Variants in CERS6 observed in about 807,000 individuals in gnomAD.
CERS6 encodes LAG1 homolog, ceramide synthase 6.
A neutral mutation model predicts 56.8 loss-of-function variants in CERS6; 26 were observed. The ratio of observed to expected loss-of-function variants is 0.46; its 90% CI spans 0.34 to 0.63. The LOEUF is 0.63. CERS6 is among the 30% of genes least tolerant of loss of function. The probability of loss-of-function intolerance (pLI) is 0.01; values close to 1 mark genes in which losing one functional copy is unlikely to be tolerated. For missense variants in CERS6, 415 were observed against 467.5 expected (o/e 0.89, Z 1.04); for synonymous variants, 164 against 173.3 (o/e 0.95, Z 0.42).
In CERS6 at chr2:168,717,976, C is replaced by T. The variant is rs759693970; in HGVS notation, c.843C>T (p.Leu281=). ...FITTRLGIFP[L]WVLNTTLFES... Reference sequence around the variant, plus strand: ...CCACACGACTGGGTATATTTCCTCTCTGGTGAGTATGCCAGTCTCCTTCCT... The same window carrying T: ...CCACACGACTGGGTATATTTCCTCTTTGGTGAGTATGCCAGTCTCCTTCCT... Residue 281 remains leucine (L), a splice_region_variant and synonymous_variant, in exon 8 of 10, where the codon CTC becomes CTT. Coordinates refer to ENST00000305747, the MANE Select transcript of CERS6 (RefSeq NM_203463.3). 13 of 1,604,384 alleles carry T rather than the reference C, an allele frequency of 8.1e-6. 1 individual carries two copies. In the South Asian group the frequency reaches 1.4e-4, roughly 18 times the overall value.
chr2:168,542,610 G>T (rs2105369513), intron 1 of CERS6, among the ~76,000 whole-genome samples: 1 of 152,256 alleles, frequency 6.6e-6, no homozygotes, highest in Non-Finnish European at 1.5e-5. Context: ...TTAGAACAAT[G>T]ACATATGTTT....
At chr2:168,608,494 TC>T (rs1380955241) in intron 3 of CERS6, among the ~76,000 whole-genome samples, 2 of 152,214 alleles carry the variant, frequency 1.3e-5, no homozygotes, top group Non-Finnish European at 2.9e-5. Flanking sequence ...CATTTCATCT[TC>T]CCACCAGCAG....
intron 6 of CERS6, among the ~76,000 whole-genome samples, chr2:168,696,227 T>C (rs976142453): frequency 6.6e-6 from 1 of 152,208 alleles, no homozygotes; most frequent in Non-Finnish European, 1.5e-5. Flanking sequence ...ACATACAAAG[T>C]GCTCCTGACT....
At chr2:168,482,878 G>T (rs1694203414) in intron 1 of CERS6, among the ~76,000 whole-genome samples, 1 of 152,206 alleles carries the variant, frequency 6.6e-6, no homozygotes, top group Non-Finnish European at 1.5e-5. Context: ...TGGAATAGCT[G>T]CTAATAAAAT....
At chr2:168,677,453 A>G (rs1028029241) in intron 4 of CERS6, among the ~76,000 whole-genome samples, 4 of 152,114 alleles carry the variant, frequency 2.6e-5, no homozygotes, top group East Asian at 1.9e-4. Flanking sequence ...AGTCTTTGCT[A>G]TTGTGAATAG....
At position 168,456,364 on chromosome 2, in the gene CERS6, A is replaced by C. The variant is rs1693650490; in HGVS notation, c.-85A>C. 1 of 1,119,572 alleles carries C rather than the reference A, an allele frequency of 8.9e-7. No individual in the cohort carries two copies. The highest frequency in any genetic ancestry group is 2.9e-5 in the Admixed American group (1 of 33,918). 69.4% of individuals were successfully genotyped at this position (1,119,572 alleles called of 1,614,324 possible). On this transcript the variant is annotated 5_prime_UTR_variant, in exon 1 of 10. Transcript: ENST00000305747. This position sits in a 1 kb window ranked among gnomAD's most constrained non-coding sequence, Gnocchi z 4.1. ...GCGGCGGCGGCACAGGCTCGGGGCC[A>C]GCCGGGCGCGCATCCCCGGGCGCCC...
chr2:168,663,254 A>G (rs144207935), intron 4 of CERS6, among the ~76,000 whole-genome samples: 90 of 152,296 alleles, frequency 5.9e-4, no homozygotes, highest in African/African-American at 1.8e-3. Flanking sequence ...AAAATGCATT[A>G]TTAGTTCAGT....
chr2:168,686,586 CT>C (rs1213402096), intron 4 of CERS6, among the ~76,000 whole-genome samples: 1 of 151,986 alleles, frequency 6.6e-6, no homozygotes, highest in African/African-American at 2.4e-5. Flanking sequence ...TTTGGAGGTC[CT>C]TTCTAAACCT....
At chr2:168,645,132 TATATATATATAGAG>T (rs1391525240) in intron 4 of CERS6, among the ~76,000 whole-genome samples, 1 of 39,524 alleles carries the variant, frequency 2.5e-5, no homozygotes, top group Non-Finnish European at 4.3e-5. Context: ...TATATATATA[TATATATATATAGAG>T]AGAGAGAGAG....
At chr2:168,609,387 G>A (rs1344261623) in intron 3 of CERS6, among the ~76,000 whole-genome samples, 1 of 152,202 alleles carries the variant, frequency 6.6e-6, no homozygotes, top group Admixed American at 6.5e-5. Context: ...GTTTCTCAAA[G>A]TATGAACATT....
At chr2:168,524,464 T>C (rs1695035798) in intron 1 of CERS6, among the ~76,000 whole-genome samples, 1 of 152,172 alleles carries the variant, frequency 6.6e-6, no homozygotes, top group African/African-American at 2.4e-5. Flanking sequence ...TCAGTGCTGC[T>C]CCATGCTGGG....
chr2:168,627,221 T>C (rs2105291485), intron 3 of CERS6, among the ~76,000 whole-genome samples: 1 of 152,356 alleles, frequency 6.6e-6, no homozygotes, highest in African/African-American at 2.4e-5. Context: ...ATATTTTGTA[T>C]TAAATTATCC....
chr2:168,468,872 C>T lies in CERS6; in HGVS notation c.170+12254C>T, dbSNP rs531212814. On this transcript the variant is annotated intron_variant, in intron 1 of 9. Coordinates refer to ENST00000305747, the MANE Select transcript of CERS6 (RefSeq NM_203463.3). Reference sequence around the variant, plus strand: ...CCTAGCAGCTTAGTGAGGAATGGGGCTTTGTCCACTTCACACTCATGTAAT... The same window carrying T: ...CCTAGCAGCTTAGTGAGGAATGGGGTTTTGTCCACTTCACACTCATGTAAT... Among the ~76,000 whole-genome samples, 20 of 131,382 alleles carry T rather than the reference C, an allele frequency of 1.5e-4. No individual in the cohort carries two copies. The East Asian group carries it at 4.8e-3, about 32-fold the overall frequency. The allele number at this position is 131,382 out of a possible 152,430, so 86.2% of individuals were successfully genotyped here.
intron 4 of CERS6, among the ~76,000 whole-genome samples, chr2:168,677,961 C>T (rs1261283753): frequency 2.0e-5 from 3 of 152,150 alleles, no homozygotes; most frequent in South Asian, 4.1e-4. Context: ...CATCACTGGT[C>T]GTCAGAGAAA....
At position 168,554,115 on chromosome 2, in the gene CERS6, A is replaced by G. The variant is rs187040184; in HGVS notation, c.276+6414A>G. 1.1e-4 allele frequency among the ~76,000 whole-genome samples: 16 copies of G among 152,298 alleles called. No individual in the cohort carries two copies. In the East Asian group the frequency reaches 2.9e-3, roughly 28 times the overall value. On this transcript the variant is annotated intron_variant, in intron 2 of 9. Coordinates refer to ENST00000305747, the MANE Select transcript of CERS6 (RefSeq NM_203463.3). The stretch of plus-strand genomic sequence containing the variant: ...ATTTGAATTATTAGAGATGGAAAAG[A>G]AAGAGTCATATGGATAACCACTAGA...
At chr2:168,546,582 C>T (rs530737806) in intron 1 of CERS6, among the ~76,000 whole-genome samples, 1 of 152,148 alleles carries the variant, frequency 6.6e-6, no homozygotes, top group African/African-American at 2.4e-5. Context: ...GTTCTTTAAT[C>T]TCATCAACTG....
At chr2:168,604,349 A>ATG (rs1684001515) in intron 3 of CERS6, among the ~76,000 whole-genome samples, 1 of 151,140 alleles carries the variant, frequency 6.6e-6, no homozygotes, top group African/African-American at 2.4e-5. Flanking sequence ...AGGGTAGGGT[A>ATG]TGTGTGTGAC....
At position 168,737,033 on chromosome 2, in the gene CERS6, C is replaced by A. The variant is rs79147136; in HGVS notation, c.845+19055C>A. On this transcript the variant is annotated intron_variant, in intron 8 of 9. Transcript: ENST00000305747. ...CCGTTGGTGGCTGTACCATCTCTTT[C>A]TCTCCACCACTTTTTATCCGATCCT... 8.1e-4 allele frequency among the ~76,000 whole-genome samples: 124 copies of A among 152,356 alleles called. No individual in the cohort carries two copies. The East Asian group carries it at 0.016, about 20-fold the overall frequency.
chr2:168,476,490 T>C (rs761103441), intron 1 of CERS6, among the ~76,000 whole-genome samples: 1 of 152,044 alleles, frequency 6.6e-6, no homozygotes, highest in Non-Finnish European at 1.5e-5. Context: ...AGATGATAGA[T>C]AGATAAATAT....
Sources: allele counts gnomAD v4.1 joint callset (sites outside exome capture counted in the v4.1 genomes callset), GRCh38; gene constraint gnomAD v4.1.1; non-coding constraint Gnocchi (gnomAD v3.1); transcripts MANE v1.5; gene names NCBI Gene and HGNC (gene_info 2026-07-23, HGNC 2026-07-21).